Variants in PACRGL observed in about 807,000 individuals in gnomAD.
PACRGL encodes parkin coregulated like.
A neutral mutation model predicts 34.5 loss-of-function variants in PACRGL; 38 were observed. The observed-to-expected ratio is 1.10, with a 90% CI of 0.85 to 1.44. The LOEUF (loss-of-function observed/expected upper bound fraction) is 1.44, where lower values mean the gene tolerates loss of function less well. Among genes scored for constraint, PACRGL ranks in the 40% most tolerant of loss-of-function variants. The pLI is 0.00. For synonymous variants in PACRGL, 128 were observed against 100.1 expected (o/e 1.28, Z -1.66); for missense variants, 305 against 281.4 (o/e 1.08, Z -0.60).
upstream of PACRGL, among the ~76,000 whole-genome samples, chr4:20,699,932 CAT>C (rs963098229): frequency 1.3e-5 from 2 of 152,126 alleles, no homozygotes; most frequent in Non-Finnish European, 2.9e-5. Flanking sequence ...AATGCAATAG[CAT>C]ATGAGATTCA....
At chr4:20,742,413 A>G (rs1234910059) in intron 8 of PACRGL, among the ~76,000 whole-genome samples, 1 of 152,216 alleles carries the variant, frequency 6.6e-6, no homozygotes, top group Non-Finnish European at 1.5e-5. Context: ...CTGGTTCAAC[A>G]TACACAAATC....
rs1746934922 is a variant in PACRGL at position 20,728,983 on chromosome 4, A to T, written c.*1642A>T. ...CTGTAATCTGGATTAGTTGTTGAGC[A>T]CTTATTTTCTACTAAATCTTGGTAG... On this transcript the variant is annotated 3_prime_UTR_variant, in exon 9 of 9. Transcript: ENST00000503585. 6.6e-6 allele frequency: 1 copy of T among 152,126 alleles called. No individual in the cohort carries two copies. The highest frequency in any genetic ancestry group is 1.5e-5 in the Non-Finnish European group (1 of 67,944). The allele number at this position is 152,126 out of a possible 1,614,324, so 9.4% of individuals were successfully genotyped here. A position where few individuals can be genotyped will look rare whatever the true frequency, so the allele number is the denominator to read the frequency against.
At chr4:20,718,015 CAGTGGTTTGTAGTTCTCCTTGA>C (rs1377524979) in intron 7 of PACRGL, among the ~76,000 whole-genome samples, 4 of 151,984 alleles carry the variant, frequency 2.6e-5, no homozygotes, top group Non-Finnish European at 5.9e-5. Context: ...TTTTGTTGAG[CAGTGGTTTGTAGTTCTCCTTGA>C]AGAGGTCCTT....
At chr4:20,711,296 A>T (rs1355335395) in intron 5 of PACRGL, among the ~76,000 whole-genome samples, 3 of 152,170 alleles carry the variant, frequency 2.0e-5, no homozygotes, top group Non-Finnish European at 4.4e-5. Flanking sequence ...AGCCTTTTAT[A>T]TACCTGTTGT....
chr4:20,704,883 GGA>G, intron 3 of PACRGL, 69 bp downstream of exon 3: 1 of 1,525,964 alleles, frequency 6.6e-7, no homozygotes, highest in Non-Finnish European at 9.0e-7. Context: ...GAACAATGCT[GGA>G]TGCTGTGTTG....
At chr4:20,721,341 C>T (rs191847444) in intron 7 of PACRGL, among the ~76,000 whole-genome samples, 24 of 152,304 alleles carry the variant, frequency 1.6e-4, no homozygotes, top group East Asian at 5.8e-4. Flanking sequence ...AGTCATTCTC[C>T]GTCCAGCTTA....
At chr4:20,742,838 C>T (rs1751475842) in intron 8 of PACRGL, among the ~76,000 whole-genome samples, 1 of 152,116 alleles carries the variant, frequency 6.6e-6, no homozygotes, top group South Asian at 2.1e-4. Context: ...CCCAAAATCT[C>T]CTTAAACTGA....
At chr4:20,736,446 A>T (rs1016179834), downstream of PACRGL, among the ~76,000 whole-genome samples, 1 of 152,176 alleles carries the variant, frequency 6.6e-6, no homozygotes, top group African/African-American at 2.4e-5. Context: ...TATGAAAGCC[A>T]TTGATTTCTG....
Position 20,739,697 on chromosome 4 carries a change from CG to C in PACRGL, c.*56+12301del, listed in dbSNP as rs536720091. 8.0e-4 allele frequency among the ~76,000 whole-genome samples: 122 copies of C among 152,266 alleles called. 1 individual carries two copies. Among genetic ancestry groups the C allele is most frequent in the Non-Finnish European group, 8.1e-4 (55 of 68,026 alleles). On this transcript the variant is annotated intron_variant, in intron 8 of 8. Transcript: ENST00000507634. ...TCAGAGAACCTCTTCTCCAAAGGAACGCACCTCCTCGCCAGCAATGGAACAA... is the reference window on the plus strand; with the variant it reads ...TCAGAGAACCTCTTCTCCAAAGGAACCACCTCCTCGCCAGCAATGGAACAA...
At chr4:20,723,662 C>A (rs1744401849) in intron 7 of PACRGL, among the ~76,000 whole-genome samples, 1 of 152,120 alleles carries the variant, frequency 6.6e-6, no homozygotes, top group African/African-American at 2.4e-5. Flanking sequence ...GTTTTGTTTT[C>A]TAATCTTTCT....
Position 20,750,245 on chromosome 4 carries a change from A to T in PACRGL, c.*57-2320A>T, listed in dbSNP as rs574638334. 1.0e-3 allele frequency among the ~76,000 whole-genome samples: 159 copies of T among 152,330 alleles called. 1 individual carries two copies. The highest frequency in any genetic ancestry group is 3.6e-3 in the African/African-American group (148 of 41,572). On this transcript the variant is annotated intron_variant, in intron 8 of 8. Transcript: ENST00000507634. ...ACCCAAAGTCACACAGTGAAGAAGG[A>T]GTAAATCTGGGACATGAACTTAGGT...
At chr4:20,740,138 T>G (rs961729297) in intron 8 of PACRGL, among the ~76,000 whole-genome samples, 88 of 152,092 alleles carry the variant, frequency 5.8e-4, no homozygotes, top group Non-Finnish European at 2.1e-4. Context: ...CGGGGAGAAT[T>G]GAACCAAGTT....
chr4:20,762,039 G>A, the PACRGL span, among the ~76,000 whole-genome samples: 1 of 152,056 alleles, frequency 6.6e-6, no homozygotes, highest in Non-Finnish European at 1.5e-5. Context: ...CTTTGTTCAG[G>A]CTCCTTTAAC....
downstream of PACRGL, among the ~76,000 whole-genome samples, chr4:20,735,787 C>T (rs945987588): frequency 3.9e-5 from 6 of 152,056 alleles, no homozygotes; most frequent in South Asian, 2.1e-4. Context: ...TGCCCACCGC[C>T]GCCTCTCAAA....
intron 7 of PACRGL, among the ~76,000 whole-genome samples, chr4:20,721,638 C>T (rs564631041): frequency 7.9e-5 from 12 of 152,266 alleles, no homozygotes; most frequent in East Asian, 5.8e-4. Flanking sequence ...TGCAGAACAG[C>T]GAATATTGCT....
intron 1 of PACRGL, among the ~76,000 whole-genome samples, chr4:20,701,359 A>G (rs1368706669): frequency 6.6e-6 from 1 of 152,150 alleles, no homozygotes; most frequent in Non-Finnish European, 1.5e-5. Flanking sequence ...TGGGCTTCAT[A>G]GGGTGGTTTG....
intron 8 of PACRGL, among the ~76,000 whole-genome samples, chr4:20,742,765 A>T (rs757004623): frequency 6.6e-6 from 1 of 152,164 alleles, no homozygotes; most frequent in Non-Finnish European, 1.5e-5. Flanking sequence ...GGGAAAGAAG[A>T]AGTCAAATTT....
intron 3 of PACRGL, among the ~76,000 whole-genome samples, chr4:20,706,642 C>A (rs1734602807): frequency 6.6e-6 from 1 of 151,636 alleles, no homozygotes; most frequent in Non-Finnish European, 1.5e-5. Context: ...GTGGCACAAT[C>A]TTGGTTCACT....
intron 1 of PACRGL, 37 bp from the exon 2 acceptor site, chr4:20,704,429 A>G: frequency 6.3e-7 from 1 of 1,597,406 alleles, no homozygotes; most frequent in Non-Finnish European, 8.5e-7. Context: ...CCCTCCAAAC[A>G]AATTTTGAAA....
Sources: allele counts gnomAD v4.1 joint callset (sites outside exome capture counted in the v4.1 genomes callset), GRCh38; gene constraint gnomAD v4.1.1; transcripts MANE v1.5; gene names NCBI Gene and HGNC (gene_info 2026-07-23, HGNC 2026-07-21).